The following PLXDC2 variants were observed in gnomAD, a reference collection of about 807,000 sequenced individuals.
The protein encoded by PLXDC2 is plexin domain-containing protein 2.
Under a neutral mutation model 68.9 loss-of-function variants are expected in PLXDC2, and 40 were observed. That is an observed-to-expected ratio of 0.58 (90% CI 0.45 to 0.76). The LOEUF (loss-of-function observed/expected upper bound fraction) is 0.76, where lower values mean the gene tolerates loss of function less well. Ranked by LOEUF, PLXDC2 falls within the 30% of genes least tolerant of loss-of-function variation. The probability of loss-of-function intolerance (pLI) is 0.00; values close to 1 mark genes in which losing one functional copy is unlikely to be tolerated. For missense variants in PLXDC2, 644 were observed against 661.9 expected (o/e 0.97, Z 0.30); for synonymous variants, 243 against 234.2 (o/e 1.04, Z -0.34).
chr10:20,278,548 A>G (rs2681947), intron 13 of PLXDC2, among the ~76,000 whole-genome samples: 70,086 of 151,920 alleles, frequency 0.46, 17,736 homozygotes, highest in Middle Eastern at 0.62. Flanking sequence ...AAATAAATTT[A>G]CGGCATTCTG....
chr10:20,065,101 G>A (rs1038622247), intron 3 of PLXDC2, among the ~76,000 whole-genome samples: 1 of 152,118 alleles, frequency 6.6e-6, no homozygotes, highest in Non-Finnish European at 1.5e-5. Context: ...CTTATATCAA[G>A]ATTGGCTTTA....
intron 12 of PLXDC2, among the ~76,000 whole-genome samples, chr10:20,241,723 G>C (rs1236376257): frequency 6.6e-6 from 1 of 152,180 alleles, no homozygotes; most frequent in Non-Finnish European, 1.5e-5. Context: ...AAGCTGCAGT[G>C]AGTCAAGATC....
At chr10:19,929,616 T>A (rs1012867165) in intron 1 of PLXDC2, among the ~76,000 whole-genome samples, 1 of 152,176 alleles carries the variant, frequency 6.6e-6, no homozygotes, top group East Asian at 1.9e-4. Context: ...CACACAGGAT[T>A]GAGATCAATT....
intron 13 of PLXDC2, among the ~76,000 whole-genome samples, chr10:20,269,616 A>G (rs188944959): frequency 2.4e-4 from 36 of 152,296 alleles, no homozygotes; most frequent in Admixed American, 7.8e-4. Context: ...ATGGGCAAAT[A>G]TTGAAAATGG....
chr10:19,989,319 A>G (rs1253578693), intron 1 of PLXDC2, among the ~76,000 whole-genome samples: 2 of 152,244 alleles, frequency 1.3e-5, no homozygotes, highest in African/African-American at 2.4e-5. Context: ...ATTAGCATAC[A>G]GATTCTACTC....
intron 6 of PLXDC2, among the ~76,000 whole-genome samples, chr10:20,150,879 A>G (rs775792324): frequency 9.2e-5 from 14 of 152,160 alleles, no homozygotes; most frequent in Non-Finnish European, 1.8e-4. Flanking sequence ...CATTTTAATC[A>G]AAGAAAAAAG....
chr10:20,227,262 T>C (rs951993785), intron 12 of PLXDC2, among the ~76,000 whole-genome samples: 6 of 152,042 alleles, frequency 3.9e-5, no homozygotes, highest in Admixed American at 3.9e-4. Flanking sequence ...GGGGATGACA[T>C]AGAGAAGTAA....
At chr10:20,116,877 A>G (rs1230156636) in intron 4 of PLXDC2, among the ~76,000 whole-genome samples, 1 of 152,152 alleles carries the variant, frequency 6.6e-6, no homozygotes, top group Non-Finnish European at 1.5e-5. Context: ...AATTCTACAG[A>G]TTGTTATTTA....
intron 3 of PLXDC2, among the ~76,000 whole-genome samples, chr10:20,061,454 A>G (rs1490477147): frequency 1.3e-5 from 2 of 152,178 alleles, no homozygotes; most frequent in African/African-American, 4.8e-5. Context: ...CGTGCATCAT[A>G]TCATGAGGTA....
intron 1 of PLXDC2, among the ~76,000 whole-genome samples, chr10:19,942,688 T>C (rs1168988706): frequency 1.3e-5 from 2 of 152,098 alleles, no homozygotes; most frequent in Non-Finnish European, 2.9e-5. Flanking sequence ...CCCTTGAACC[T>C]GGGAGGCGGA....
intron 1 of PLXDC2, among the ~76,000 whole-genome samples, chr10:19,876,777 G>A (rs555952851): frequency 6.6e-6 from 1 of 152,066 alleles, no homozygotes; most frequent in Non-Finnish European, 1.5e-5. Context: ...TTATGACAAT[G>A]TTGCATAGCA....
chr10:19,929,886 C>A (rs190521063), intron 1 of PLXDC2, among the ~76,000 whole-genome samples: 1 of 152,332 alleles, frequency 6.6e-6, no homozygotes, highest in South Asian at 2.1e-4. Context: ...GTAGGTGGAA[C>A]TGTGGTAGTG....
intron 1 of PLXDC2, among the ~76,000 whole-genome samples, chr10:19,890,337 A>G (rs12415168): frequency 0.069 from 10,465 of 152,044 alleles, 550 homozygotes; most frequent in East Asian, 0.2. Context: ...GGTATGAATC[A>G]TCCCATCACC....
At chr10:20,263,213 G>C (rs185222886) in intron 13 of PLXDC2, among the ~76,000 whole-genome samples, 4 of 152,048 alleles carry the variant, frequency 2.6e-5, no homozygotes, top group Non-Finnish European at 4.4e-5. Flanking sequence ...ACACATCTAC[G>C]ACCATCATTT....
chr10:19,968,601 C>T (rs936664241), intron 1 of PLXDC2, among the ~76,000 whole-genome samples: 2 of 152,186 alleles, frequency 1.3e-5, no homozygotes, highest in African/African-American at 4.8e-5. Context: ...GCATGAGCCA[C>T]CGCACCCGGC....
intron 9 of PLXDC2, among the ~76,000 whole-genome samples, chr10:20,183,256 T>C (rs1177778570): frequency 3.3e-5 from 5 of 151,940 alleles, no homozygotes; most frequent in African/African-American, 1.2e-4. Context: ...ATCATATAGA[T>C]AGTGTTTAAA....
intron 12 of PLXDC2, among the ~76,000 whole-genome samples, chr10:20,223,600 A>G (rs1835247517): frequency 6.6e-6 from 1 of 152,142 alleles, no homozygotes; most frequent in South Asian, 2.1e-4. Context: ...GGTGTAAGCC[A>G]TCCTGCCCAG....
At chr10:20,084,101 T>C (rs1200881115) in intron 4 of PLXDC2, among the ~76,000 whole-genome samples, 1 of 152,146 alleles carries the variant, frequency 6.6e-6, no homozygotes, top group Non-Finnish European at 1.5e-5. Flanking sequence ...TCATAAGTCT[T>C]ACAGATTTGG....
intron 1 of PLXDC2, among the ~76,000 whole-genome samples, chr10:19,921,116 T>C (rs1216726215): frequency 5.4e-5 from 8 of 148,968 alleles, no homozygotes; most frequent in East Asian, 3.9e-4. Flanking sequence ...CTTCTTCTTT[T>C]TTTTTTTTTT....
Sources: allele counts gnomAD v4.1 joint callset (sites outside exome capture counted in the v4.1 genomes callset), GRCh38; gene constraint gnomAD v4.1.1; transcripts MANE v1.5; gene names NCBI Gene and HGNC (gene_info 2026-07-23, HGNC 2026-07-21).